The following CEACAM7 variants were observed in gnomAD, a reference collection of about 807,000 sequenced individuals.
CEACAM7 encodes the protein CEA cell adhesion molecule 7, also known as cell adhesion molecule CEACAM7.
In CEACAM7, 24 loss-of-function variants were observed where a neutral mutation model predicts 25.7. That is an observed-to-expected ratio of 0.93 (90% CI 0.68 to 1.31). CEACAM7 has a LOEUF of 1.31. Ranked by LOEUF, CEACAM7 falls within the 40% of genes most tolerant of loss-of-function variation. The pLI is 0.00. For synonymous variants in CEACAM7, 144 were observed against 129.4 expected, an observed-to-expected ratio of 1.11 and a Z score of -0.77; for missense variants, 324 against 330.1, an observed-to-expected ratio of 0.98 and a Z score of 0.14.
chr19:41,681,110 A>G (rs549554747), intron 3 of CEACAM7, among the ~76,000 whole-genome samples: 1 of 152,348 alleles, frequency 6.6e-6, no homozygotes, highest in Admixed American at 6.5e-5. Flanking sequence ...TGGGCAAAGG[A>G]CTAAAACAGA....
At chr19:41,681,140 T>C (rs1166524217) in intron 3 of CEACAM7, among the ~76,000 whole-genome samples, 1 of 152,180 alleles carries the variant, frequency 6.6e-6, no homozygotes, top group African/African-American at 2.4e-5. Flanking sequence ...AAGGAAGATA[T>C]GCAAATGGCC....
At chr19:41,677,644 T>C in intron 3 of CEACAM7, 141 bp from the exon 4 acceptor site, 1 of 579,312 alleles carries the variant, frequency 1.7e-6, no homozygotes, top group Non-Finnish European at 3.1e-6. Flanking sequence ...TGCTGGGAGA[T>C]GATTATCCAA....
chr19:41,686,185 C>T (rs1266928727), intron 2 of CEACAM7, among the ~76,000 whole-genome samples: 1 of 152,138 alleles, frequency 6.6e-6, no homozygotes, highest in Non-Finnish European at 1.5e-5. Flanking sequence ...TTCTTTTTCT[C>T]CCCCTGAGGA....
chr19:41,684,069 C>T lies in CEACAM7; in HGVS notation c.428-6G>A, dbSNP rs377077083. ...GGAGGGCTTGGGTGGCTCCGCTGTG[C>T]AGATAAGAGAGAGAAAAGATTGCCC... On this transcript the variant is annotated splice_region_variant and splice_polypyrimidine_tract_variant and intron_variant, in intron 2 of 4. Coordinates refer to ENST00000401731, the MANE Select transcript of CEACAM7 (RefSeq NM_001291485.2). 3.7e-6 allele frequency: 6 copies of T among 1,611,422 alleles called. No individual in the cohort carries two copies. Among genetic ancestry groups the T allele is most frequent in the Non-Finnish European group, 4.2e-6 (5 of 1,178,692 alleles).
intron 4 of CEACAM7, among the ~76,000 whole-genome samples, chr19:41,676,817 G>T (rs530285298): frequency 6.6e-6 from 1 of 152,140 alleles, no homozygotes; most frequent in Non-Finnish European, 1.5e-5. Flanking sequence ...ATGTGTACAT[G>T]GGGTGGAAGG....
At chr19:41,683,746 G>T in intron 3 of CEACAM7, 39 bp downstream of exon 3, 1 of 1,609,468 alleles carries the variant, frequency 6.2e-7, no homozygotes, top group Non-Finnish European at 8.5e-7. Context: ...ATGGATTTGG[G>T]CTGTCAGCCT....
At position 41,687,199 on chromosome 19, in the gene CEACAM7, G is replaced by T. The variant is rs1555811327; in HGVS notation, c.87C>A (p.Asn29Lys). The T allele has an allele frequency of 6.2e-7, 1 of 1,605,660 alleles. No individual in the cohort carries two copies. The highest frequency in any genetic ancestry group is 1.7e-5 in the Admixed American group (1 of 58,858). ...TATTGGTCTGGGCACTGTTTGGCAG[G>T]TTCCAGAAGGTTAAAAGCGAGGCTA... ...LLTASLLTFW[N>K]LPNSAQTNID... is the part of the protein sequence containing the mutation. Residue 29 changes from asparagine (N) to lysine (K), a missense_variant, in exon 2 of 5, where the codon AAC becomes AAA. By Grantham distance (94) the Asn-to-Lys change is moderately conservative. Coordinates refer to ENST00000401731, the MANE Select transcript of CEACAM7 (RefSeq NM_001291485.2).
Position 41,688,028 on chromosome 19 carries a change from C to T in CEACAM7, c.64+74G>A, listed in dbSNP as rs182941410. On this transcript the variant is annotated intron_variant, in intron 1 of 4. Coordinates refer to ENST00000401731, the MANE Select transcript of CEACAM7 (RefSeq NM_001291485.2). Reference sequence around the variant, plus strand: ...AAGCCCTTTGTCCCCTCTCAGAGCCCCGTCCTCCCAAGGAGACCCCAGCCA... The same window carrying T: ...AAGCCCTTTGTCCCCTCTCAGAGCCTCGTCCTCCCAAGGAGACCCCAGCCA... 994 of 1,376,264 alleles carry T rather than the reference C, an allele frequency of 7.2e-4. 5 individuals are homozygous for T. In the African/African-American group the frequency reaches 0.013, roughly 19 times the overall value. 85.3% of individuals were successfully genotyped at this position (1,376,264 alleles called of 1,614,324 possible). A position where few individuals can be genotyped will look rare whatever the true frequency, so the allele number is the denominator to read the frequency against.
At position 41,674,266 on chromosome 19, in the gene CEACAM7, T is replaced by A. The variant is rs1352475618; in HGVS notation, c.*510A>T. 6.6e-6 allele frequency: 1 copy of A among 152,482 alleles called. No homozygotes were observed. The highest frequency in any genetic ancestry group is 1.5e-5 in the Non-Finnish European group (1 of 68,236). The allele number at this position is 152,482 out of a possible 1,614,324, so 9.4% of individuals were successfully genotyped here. ...GAATAAACAGTTGTATTAGGGATGT[T>A]GTTAAAGTTAGCCACTGGGCAGAAT... On this transcript the variant is annotated 3_prime_UTR_variant, in exon 5 of 5. Transcript: ENST00000401731.
intron 1 of CEACAM7, among the ~76,000 whole-genome samples, chr19:41,687,848 A>C (rs1174304639): frequency 3.3e-5 from 5 of 152,312 alleles, no homozygotes; most frequent in African/African-American, 1.2e-4. Flanking sequence ...TATAGTTATT[A>C]TTATCATATT....
chr19:41,680,644 C>T (rs1251971939), intron 3 of CEACAM7, among the ~76,000 whole-genome samples: 3 of 152,098 alleles, frequency 2.0e-5, no homozygotes, highest in South Asian at 2.1e-4. Context: ...GGTACCAAGA[C>T]CATTCAATAG....
Position 41,688,099 on chromosome 19 carries a change from C to T in CEACAM7, c.64+3G>A. 1 of 1,610,156 alleles carries T rather than the reference C, an allele frequency of 6.2e-7. No individual in the cohort carries two copies. Among genetic ancestry groups the T allele is most frequent in the Non-Finnish European group, 8.5e-7 (1 of 1,177,812 alleles). ...ACCCACTCCCAGGAAGTCCTCCCCT[C>T]ACCTGTGAGCAGGAGCCCCTGCCAG... On this transcript the variant is annotated splice_donor_region_variant and intron_variant, in intron 1 of 4. Coordinates refer to ENST00000401731, the MANE Select transcript of CEACAM7 (RefSeq NM_001291485.2).
intron 1 of CEACAM7, among the ~76,000 whole-genome samples, chr19:41,687,706 C>T (rs2122736011): frequency 6.6e-6 from 1 of 152,346 alleles, no homozygotes; most frequent in East Asian, 1.9e-4. Flanking sequence ...CTGCAGGCTC[C>T]AGTAGATGAG....
intron 3 of CEACAM7, among the ~76,000 whole-genome samples, chr19:41,678,085 A>G (rs2072134197): frequency 6.6e-6 from 1 of 151,968 alleles, no homozygotes; most frequent in Non-Finnish European, 1.5e-5. Flanking sequence ...CTGCATCATG[A>G]TCTGAGGGCT....
chr19:41,679,285 C>T (rs2072148396), intron 3 of CEACAM7, among the ~76,000 whole-genome samples: 1 of 152,092 alleles, frequency 6.6e-6, no homozygotes. Flanking sequence ...ATAAAACCTT[C>T]CAAATGGAAC....
chr19:41,686,019 T>C (rs1282111600), intron 2 of CEACAM7, among the ~76,000 whole-genome samples: 1 of 152,180 alleles, frequency 6.6e-6, no homozygotes, highest in Non-Finnish European at 1.5e-5. Context: ...CCTTGCTGTC[T>C]GTGAATTTAC....
intron 3 of CEACAM7, among the ~76,000 whole-genome samples, chr19:41,682,566 C>A (rs571844162): frequency 1.3e-5 from 2 of 152,294 alleles, no homozygotes; most frequent in South Asian, 4.1e-4. Flanking sequence ...TGATTGACAG[C>A]TCAATTTAGC....
Position 41,679,968 on chromosome 19 carries a change from A to ATTTTTT in CEACAM7, c.707-2471_707-2466dup, listed in dbSNP as rs35163344. 4.5e-4 allele frequency among the ~76,000 whole-genome samples: 31 copies of ATTTTTT among 68,880 alleles called. 1 individual carries two copies. The highest frequency in any genetic ancestry group is 1.6e-3 in the African/African-American group (27 of 16,766). 45.2% of individuals were successfully genotyped at this position (68,880 alleles called of 152,430 possible). A position where few individuals can be genotyped will look rare whatever the true frequency, so the allele number is the denominator to read the frequency against. ...AGGCGTGTGCCACCACACCTGGCTA[A>ATTTTTT]TTTTTTTTTTTTTTTTTTTTTTTTT... On this transcript the variant is annotated intron_variant, in intron 3 of 4. Coordinates refer to ENST00000401731, the MANE Select transcript of CEACAM7 (RefSeq NM_001291485.2).
chr19:41,688,238 G>T lies in CEACAM7; in HGVS notation c.-73C>A. 1 of 1,561,300 alleles carries T rather than the reference G, an allele frequency of 6.4e-7. No individual in the cohort carries two copies. On this transcript the variant is annotated 5_prime_UTR_variant, in exon 1 of 5. Coordinates refer to ENST00000401731, the MANE Select transcript of CEACAM7 (RefSeq NM_001291485.2). ...GGAACTCTCTTGTCAGGGCTGCTGT[G>T]ACTGTCAGCTCTGCTGTCCTTCCTA... is the stretch of plus-strand genomic sequence containing the variant.
Sources: gnomAD v4.1 joint callset for allele counts (sites outside exome capture counted in the v4.1 genomes callset) on GRCh38, gnomAD v4.1.1 for gene constraint, MANE v1.5 for transcripts, NCBI Gene and HGNC (gene_info 2026-07-23, HGNC 2026-07-21) for gene names.